The following PDE7A variants were observed in gnomAD, a reference collection of about 807,000 sequenced individuals.
PDE7A encodes phosphodiesterase 7A.
Under a neutral mutation model 64.3 loss-of-function variants are expected in PDE7A, and 39 were observed. The observed-to-expected ratio is 0.61, with a 90% CI of 0.47 to 0.79. PDE7A has a LOEUF of 0.79. Ranked by LOEUF, PDE7A falls within the 30% of genes least tolerant of loss-of-function variation. The pLI, the probability that PDE7A is intolerant of heterozygous loss-of-function variation, is 0.00. For synonymous variants in PDE7A, 203 were observed against 206.8 expected, an observed-to-expected ratio of 0.98 and a Z score of 0.16; for missense variants, 470 against 582.8, an observed-to-expected ratio of 0.81 and a Z score of 1.99.
At chr8:65,724,111 T>C (rs1273017628) in intron 11 of PDE7A, 144 bp downstream of exon 11, 3 of 558,046 alleles carry the variant, frequency 5.4e-6, no homozygotes, top group Non-Finnish European at 9.6e-6. Flanking sequence ...TTGTATTGAT[T>C]AGATGTATAT....
chr8:65,818,007 C>T (rs540564621), intron 1 of PDE7A, among the ~76,000 whole-genome samples: 81 of 152,276 alleles, frequency 5.3e-4, no homozygotes, highest in Admixed American at 4.4e-3. Flanking sequence ...CCGCCTCGGC[C>T]TCCCAAGGTG....
At chr8:65,825,233 A>G (rs1280856270) in intron 1 of PDE7A, among the ~76,000 whole-genome samples, 1 of 152,212 alleles carries the variant, frequency 6.6e-6, no homozygotes, top group East Asian at 1.9e-4. Context: ...CATGTATTTT[A>G]TAACAAGCAT....
At chr8:65,776,065 T>C (rs1809251340) in intron 3 of PDE7A, among the ~76,000 whole-genome samples, 1 of 152,218 alleles carries the variant, frequency 6.6e-6, no homozygotes, top group Admixed American at 6.5e-5. Context: ...GCTAAATCAA[T>C]GTTATTGATT....
At chr8:65,766,476 A>G (rs1808790641) in intron 3 of PDE7A, among the ~76,000 whole-genome samples, 1 of 152,228 alleles carries the variant, frequency 6.6e-6, no homozygotes, top group Non-Finnish European at 1.5e-5. Flanking sequence ...TGAAAGCAGG[A>G]ACTTGAGAAG....
intron 2 of PDE7A, among the ~76,000 whole-genome samples, chr8:65,781,421 A>G (rs932873925): frequency 7.9e-5 from 12 of 152,176 alleles, no homozygotes; most frequent in Admixed American, 7.2e-4. Flanking sequence ...GAGGAGTCAG[A>G]TGATTATGTC....
intron 7 of PDE7A, among the ~76,000 whole-genome samples, chr8:65,732,251 G>C (rs910076477): frequency 9.2e-5 from 14 of 151,724 alleles, no homozygotes; most frequent in African/African-American, 2.9e-4. Context: ...CACCAGCCTC[G>C]GCCTCCCAAA....
At position 65,714,700 on chromosome 8, in the gene PDE7A, A is replaced by G. The variant is rs964680098; in HGVS notation, c.*4590T>C. ...ATTGAGGGGATTTTAAACAACATTT[A>G]TACATTAAAATATTTATACATGCTT... On this transcript the variant is annotated 3_prime_UTR_variant, in exon 13 of 13. Coordinates refer to ENST00000401827, the MANE Select transcript of PDE7A (RefSeq NM_001242318.3). 1.3e-5 allele frequency: 2 copies of G among 152,220 alleles called. No homozygotes were observed. The highest frequency in any genetic ancestry group is 6.5e-5 in the Admixed American group (1 of 15,286). 9.4% of individuals were successfully genotyped at this position (152,220 alleles called of 1,614,324 possible).
chr8:65,809,825 A>T (rs970939972), intron 1 of PDE7A, among the ~76,000 whole-genome samples: 2 of 152,230 alleles, frequency 1.3e-5, no homozygotes, highest in Non-Finnish European at 2.9e-5. Flanking sequence ...TAGAATGGTG[A>T]TCATTAAAAA....
rs542132340 is a variant in PDE7A at position 65,733,413 on chromosome 8, T to C, written c.696+1381A>G. Among the ~76,000 whole-genome samples, 4 of 152,308 alleles carry C rather than the reference T, an allele frequency of 2.6e-5. No individual in the cohort carries two copies. In the East Asian group the frequency reaches 7.7e-4, roughly 29 times the overall value. The stretch of plus-strand genomic sequence containing the variant: ...TTACTCATCAATCTCTCCCACAACA[T>C]TCTCAAACAGAGGATGCAGTCTTGG... On this transcript the variant is annotated intron_variant, in intron 7 of 12. Transcript: ENST00000401827.
chr8:65,789,202 G>A (rs887725651), intron 1 of PDE7A: 5 of 477,728 alleles, frequency 1.0e-5, no homozygotes, highest in Admixed American at 4.1e-5. Flanking sequence ...TGTTGGAAGA[G>A]GGGAGGGAAA....
chr8:65,804,838 C>A lies in PDE7A; in HGVS notation c.139-21995G>T, dbSNP rs187539863. Among the ~76,000 whole-genome samples the A allele has an allele frequency of 4.7e-4, 68 of 144,818 alleles. 1 individual carries two copies. Among genetic ancestry groups the A allele is most frequent in the Non-Finnish European group, 9.0e-5 (6 of 66,930 alleles). The stretch of plus-strand genomic sequence containing the variant: ...ATAGGCATAAGCCACCGTGCCCAGC[C>A]AAGTTTTCTTTTATTTTGAGATGGG... On this transcript the variant is annotated intron_variant, in intron 1 of 12. Coordinates refer to ENST00000401827, the MANE Select transcript of PDE7A (RefSeq NM_001242318.3).
intron 1 of PDE7A, among the ~76,000 whole-genome samples, chr8:65,827,145 A>G (rs34383016): frequency 0.041 from 6,310 of 152,280 alleles, 169 homozygotes; most frequent in Middle Eastern, 0.065. Flanking sequence ...CTACACCATT[A>G]AACACCACAA....
intron 1 of PDE7A, among the ~76,000 whole-genome samples, chr8:65,812,636 C>T (rs1027140665): frequency 7.9e-5 from 12 of 152,062 alleles, no homozygotes; most frequent in African/African-American, 2.9e-4. Flanking sequence ...AAAGACAAGA[C>T]ATTAGATAAA....
chr8:65,840,398 GCACACA>G (rs746987926), intron 1 of PDE7A, among the ~76,000 whole-genome samples: 15 of 109,658 alleles, frequency 1.4e-4, no homozygotes, highest in East Asian at 6.4e-4. Flanking sequence ...CACACTACCT[GCACACA>G]CACACACACA....
chr8:65,745,287 C>G (rs879868707), intron 5 of PDE7A, 120 bp downstream of exon 5: 7 of 698,200 alleles, frequency 1.0e-5, no homozygotes, highest in African/African-American at 9.0e-5. Context: ...CTAATACACT[C>G]TCTTCCAGCA....
At chr8:65,761,091 G>T (rs183852929) in intron 3 of PDE7A, among the ~76,000 whole-genome samples, 1 of 148,536 alleles carries the variant, frequency 6.7e-6, no homozygotes, top group Non-Finnish European at 1.5e-5. Flanking sequence ...ACGGAGTCTC[G>T]CCCTGTGGCG....
At position 65,774,554 on chromosome 8, in the gene PDE7A, CTT is replaced by C. The variant is rs1563502100; in HGVS notation, c.283+5164_283+5165del. Among the ~76,000 whole-genome samples the C allele has an allele frequency of 3.3e-5, 5 of 151,904 alleles. No individual in the cohort carries two copies. In the South Asian group the frequency reaches 1.0e-3, roughly 32 times the overall value. On this transcript the variant is annotated intron_variant, in intron 3 of 12. Transcript: ENST00000401827. ...TAAAAATTATTGACAACCCAAATAACTTTAACTTTATATGGGTTATAGCTATC... is the reference window on the plus strand; with the variant it reads ...TAAAAATTATTGACAACCCAAATAACTAACTTTATATGGGTTATAGCTATC...
chr8:65,742,757 T>G (rs1258113453), intron 5 of PDE7A, among the ~76,000 whole-genome samples: 1 of 152,228 alleles, frequency 6.6e-6, no homozygotes, highest in Non-Finnish European at 1.5e-5. Context: ...AGCTTTTGAA[T>G]AGCTGTAGTT....
intron 7 of PDE7A, among the ~76,000 whole-genome samples, chr8:65,734,479 CACTGAGTCAGACCAAGGCT>C (rs1807037866): frequency 6.6e-6 from 1 of 152,198 alleles, no homozygotes; most frequent in Non-Finnish European, 1.5e-5. Context: ...CTCATTCATT[CACTGAGTCAGACCAAGGCT>C]GTCCCTGCCC....
Sources: gnomAD v4.1 joint callset for allele counts (sites outside exome capture counted in the v4.1 genomes callset) on GRCh38, gnomAD v4.1.1 for gene constraint, MANE v1.5 for transcripts, NCBI Gene and HGNC (gene_info 2026-07-23, HGNC 2026-07-21) for gene names.